IGF1R: variants seen among roughly 807,000 people sequenced by gnomAD.
IGF1R encodes the protein insulin like growth factor 1 receptor, also known as insulin-like growth factor 1 receptor.
A neutral mutation model predicts 144.6 loss-of-function variants in IGF1R; 44 were observed. The observed-to-expected ratio is 0.30, with a 90% CI of 0.24 to 0.39. The LOEUF is 0.39. IGF1R is among the 10% of genes least tolerant of loss of function. The pLI is 1.00. For missense variants in IGF1R, 1,355 were observed against 1,833.7 expected, an observed-to-expected ratio of 0.74 and a Z score of 4.77; for synonymous variants, 795 against 722.8, an observed-to-expected ratio of 1.10 and a Z score of -1.60.
chr15:98,762,554 C>A (rs1213638650), intron 2 of IGF1R, among the ~76,000 whole-genome samples: 1 of 152,142 alleles, frequency 6.6e-6, no homozygotes, highest in Non-Finnish European at 1.5e-5. Flanking sequence ...ATGGTGAAAC[C>A]CCGTCTCTAC....
At chr15:98,797,981 A>G (rs1343142867) in intron 2 of IGF1R, among the ~76,000 whole-genome samples, 2 of 152,252 alleles carry the variant, frequency 1.3e-5, no homozygotes, top group African/African-American at 2.4e-5. Flanking sequence ...CCATGAGAAG[A>G]CGTGGAGAGG....
chr15:98,900,179 T>C (rs1462233611), intron 5 of IGF1R, among the ~76,000 whole-genome samples: 1 of 152,258 alleles, frequency 6.6e-6, no homozygotes, highest in Non-Finnish European at 1.5e-5. Context: ...GGCACAGGCC[T>C]GCTTTGTGAT....
chr15:98,870,620 T>G (rs1265275324), intron 2 of IGF1R, among the ~76,000 whole-genome samples: 2 of 152,130 alleles, frequency 1.3e-5, no homozygotes, highest in East Asian at 1.9e-4. Flanking sequence ...GTGTGTGTGT[T>G]TGTGTATCCC....
At chr15:98,694,718 T>A (rs532280121) in intron 1 of IGF1R, among the ~76,000 whole-genome samples, 18 of 152,334 alleles carry the variant, frequency 1.2e-4, no homozygotes, top group African/African-American at 2.6e-4. Flanking sequence ...CATGGAAGAA[T>A]ATAGATTTTC....
At chr15:98,716,012 C>A (rs938650667) in intron 2 of IGF1R, among the ~76,000 whole-genome samples, 3 of 152,228 alleles carry the variant, frequency 2.0e-5, no homozygotes, top group African/African-American at 7.2e-5. Flanking sequence ...ATCTCCAAAC[C>A]AGCGCCCATG....
chr15:98,802,976 T>G (rs1235431316), intron 2 of IGF1R, among the ~76,000 whole-genome samples: 1 of 152,218 alleles, frequency 6.6e-6, no homozygotes, highest in African/African-American at 2.4e-5. Flanking sequence ...GTAGCTGACT[T>G]GAAACACAGT....
intron 2 of IGF1R, among the ~76,000 whole-genome samples, chr15:98,887,577 A>G (rs1453177999): frequency 1.3e-5 from 2 of 152,172 alleles, no homozygotes; most frequent in Non-Finnish European, 1.5e-5. Flanking sequence ...TAAGATTCTC[A>G]GAGTTTCCTT....
At chr15:98,724,362 C>G (rs1458522456) in intron 2 of IGF1R, among the ~76,000 whole-genome samples, 1 of 152,110 alleles carries the variant, frequency 6.6e-6, no homozygotes, top group Non-Finnish European at 1.5e-5. Flanking sequence ...GTGGGTAATA[C>G]AGGGGCCACT....
chr15:98,809,797 A>C (rs2056545882), intron 2 of IGF1R, among the ~76,000 whole-genome samples: 1 of 152,134 alleles, frequency 6.6e-6, no homozygotes, highest in African/African-American at 2.4e-5. Flanking sequence ...CTTTGGAGGA[A>C]CGTGGTTCCG....
chr15:98,846,050 A>G (rs549738452), intron 2 of IGF1R, among the ~76,000 whole-genome samples: 2 of 152,240 alleles, frequency 1.3e-5, no homozygotes, highest in African/African-American at 4.8e-5. Flanking sequence ...TCTAAAAGAC[A>G]GTAATAATTT....
At chr15:98,765,524 A>G (rs1303749897) in intron 2 of IGF1R, among the ~76,000 whole-genome samples, 6 of 151,064 alleles carry the variant, frequency 4.0e-5, no homozygotes, top group African/African-American at 1.5e-4. Flanking sequence ...GAGTGTTGCC[A>G]TGTTGGCCAG....
Position 98,923,960 on chromosome 15 carries a change from A to C in IGF1R, c.2570A>C (p.Asn857Thr), listed in dbSNP as rs45611935. 30 of 1,613,936 alleles carry C rather than the reference A, an allele frequency of 1.9e-5. No individual in the cohort carries two copies. In the South Asian group the frequency reaches 3.2e-4, roughly 17 times the overall value. ...SIFLKWPEPENPNGLILMYEI... is the reference protein window; with the variant it reads ...SIFLKWPEPETPNGLILMYEI... ...TTTTTAAAGTGGCCGGAACCTGAGAATCCCAATGGATTGATTCTAATGTAT... is the reference window on the plus strand; with the variant it reads ...TTTTTAAAGTGGCCGGAACCTGAGACTCCCAATGGATTGATTCTAATGTAT... The change falls in exon 12 of 21, where the codon AAT becomes ACT. Residue 857 changes from asparagine to threonine, a missense_variant. By Grantham distance (65) the Asn-to-Thr change is moderately conservative (BLOSUM62 0). Coordinates refer to ENST00000650285, the MANE Select transcript of IGF1R (RefSeq NM_000875.5).
rs113918514 is a variant in IGF1R, at chr15:98,945,697, A to G, written c.3587+2645A>G. On this transcript the variant is annotated intron_variant, in intron 19 of 20. Transcript: ENST00000650285. ...CTTCGGTTGCTCCATCTGTAAGGCA[A>G]GGTCTGTCTCGAGAAGTCTGCGGTA... Among the ~76,000 whole-genome samples, 194 of 152,296 alleles carry G rather than the reference A, an allele frequency of 1.3e-3. 2 individuals carry two copies. Among genetic ancestry groups the G allele is most frequent in the African/African-American group, 4.5e-3 (189 of 41,562 alleles).
intron 2 of IGF1R, among the ~76,000 whole-genome samples, chr15:98,710,863 C>T (rs552711735): frequency 1.2e-4 from 18 of 151,686 alleles, no homozygotes; most frequent in African/African-American, 4.1e-4. Flanking sequence ...GACGGGGTTT[C>T]ACCACCATGT....
At chr15:98,711,926 T>G (rs2054002419) in intron 2 of IGF1R, among the ~76,000 whole-genome samples, 1 of 152,190 alleles carries the variant, frequency 6.6e-6, no homozygotes, top group South Asian at 2.1e-4. Flanking sequence ...CAGAAGCACC[T>G]TTTCACTGTC....
chr15:98,923,835 G>A (rs2015595858), intron 11 of IGF1R, 41 bp from the exon 12 acceptor site: 1 of 1,599,370 alleles, frequency 6.3e-7, no homozygotes, highest in Non-Finnish European at 8.6e-7. Flanking sequence ...TCCCTCCCTG[G>A]GAACCCAAAT....
intron 2 of IGF1R, among the ~76,000 whole-genome samples, chr15:98,878,177 A>G (rs2013159230): frequency 6.6e-6 from 1 of 152,232 alleles, no homozygotes; most frequent in Non-Finnish European, 1.5e-5. Context: ...CCAAAACGAC[A>G]AAGCTGGAGG....
At chr15:98,855,651 T>A (rs982439279) in intron 2 of IGF1R, among the ~76,000 whole-genome samples, 34 of 152,226 alleles carry the variant, frequency 2.2e-4, no homozygotes, top group African/African-American at 7.5e-4. Flanking sequence ...CTCTTTAATG[T>A]ATACGTTTAG....
intron 20 of IGF1R, among the ~76,000 whole-genome samples, chr15:98,951,428 C>A (rs563851069): frequency 8.5e-5 from 13 of 152,366 alleles, no homozygotes; most frequent in Middle Eastern, 6.8e-3. Context: ...TATAGAAATT[C>A]TTCTTCTCCC....
Sources: gnomAD v4.1 joint callset for allele counts (sites outside exome capture counted in the v4.1 genomes callset) on GRCh38, gnomAD v4.1.1 for gene constraint, MANE v1.5 for transcripts, NCBI Gene and HGNC (gene_info 2026-07-23, HGNC 2026-07-21) for gene names.